The following UGT1A4 variants were observed in gnomAD, a reference collection of about 807,000 sequenced individuals.
UGT1A4 encodes UDP glucuronosyltransferase family 1 member A4.
A neutral mutation model predicts 41.1 loss-of-function variants in UGT1A4; 32 were observed. The observed-to-expected ratio is 0.78, with a 90% CI of 0.59 to 1.05. The LOEUF is 1.05. UGT1A4 is among the 50% of genes least tolerant of loss of function. The probability of loss-of-function intolerance (pLI) is 0.00; values close to 1 mark genes in which losing one functional copy is unlikely to be tolerated. For missense variants in UGT1A4, 748 were observed against 677.4 expected, an observed-to-expected ratio of 1.10 and a Z score of -1.16; for synonymous variants, 283 against 265.1, an observed-to-expected ratio of 1.07 and a Z score of -0.66.
chr2:233,771,791 C>T (rs868802241), intron 4 of UGT1A4, among the ~76,000 whole-genome samples: 2 of 146,520 alleles, frequency 1.4e-5, no homozygotes, highest in Middle Eastern at 6.9e-3. Flanking sequence ...TCTCTCCCTC[C>T]CTCCCTCCCT....
At chr2:233,725,400 G>T (rs1284897270) in intron 1 of UGT1A4, among the ~76,000 whole-genome samples, 3 of 151,354 alleles carry the variant, frequency 2.0e-5, no homozygotes, top group Non-Finnish European at 2.9e-5. Context: ...TACCTTGATG[G>T]TCTAATACAG....
intron 1 of UGT1A4, among the ~76,000 whole-genome samples, chr2:233,744,672 T>G (rs778668144): frequency 6.6e-6 from 1 of 151,884 alleles, no homozygotes; most frequent in Non-Finnish European, 1.5e-5. Context: ...ATATTACACA[T>G]CACCCATGTA....
At chr2:233,757,283 G>A (rs1259796690) in intron 1 of UGT1A4, among the ~76,000 whole-genome samples, 1 of 145,382 alleles carries the variant, frequency 6.9e-6, no homozygotes, top group African/African-American at 2.6e-5. Context: ...TGATTCAGAA[G>A]GGACAGCTGG....
At chr2:233,743,728 A>G in intron 1 of UGT1A4, 1 of 1,367,282 alleles carries the variant, frequency 7.3e-7, no homozygotes, top group Non-Finnish European at 9.8e-7. Context: ...GGTCATAGAT[A>G]TCGCGTTTCT....
At chr2:233,750,935 G>GCC (rs1240414460) in intron 1 of UGT1A4, among the ~76,000 whole-genome samples, 5 of 151,828 alleles carry the variant, frequency 3.3e-5, no homozygotes, top group Non-Finnish European at 7.3e-5. Flanking sequence ...TGAGGTTGGA[G>GCC]CCCCCACACA....
chr2:233,719,438 A>G lies in UGT1A4; in HGVS notation c.618A>G (p.Thr206=). Residue 206 remains threonine, a synonymous_variant, in exon 1 of 5, where the codon ACA becomes ACG. Coordinates refer to ENST00000373409, the MANE Select transcript of UGT1A4 (RefSeq NM_007120.3). ...KLLTTNSDHM[T]FLQRVKNMLY... ...TAACGACCAATTCAGACCACATGAC[A>G]TTCCTGCAAAGGGTCAAGAACATGC... The G allele has an allele frequency of 6.2e-7, 1 of 1,613,920 alleles. No homozygotes were observed. Among genetic ancestry groups the G allele is most frequent in the Non-Finnish European group, 8.5e-7 (1 of 1,179,854 alleles).
intron 1 of UGT1A4, among the ~76,000 whole-genome samples, chr2:233,728,669 T>C (rs1349775872): frequency 3.9e-5 from 6 of 152,276 alleles, no homozygotes; most frequent in Admixed American, 3.9e-4. Context: ...GCGTTACTCA[T>C]ACATGAGAAG....
Position 233,772,777 on chromosome 2 carries a change from T to C in UGT1A4, c.*218T>C. The stretch of plus-strand genomic sequence containing the variant: ...TATGTATCGTGCCCCCTCTGGTGTC[T>C]TTGATCAGGATGACATGTGCCATTT... On this transcript the variant is annotated 3_prime_UTR_variant, in exon 5 of 5. Coordinates refer to ENST00000373409, the MANE Select transcript of UGT1A4 (RefSeq NM_007120.3). 8.4e-6 allele frequency: 11 copies of C among 1,302,124 alleles called. No individual in the cohort carries two copies. The highest frequency in any genetic ancestry group is 1.1e-5 in the Non-Finnish European group (11 of 988,102). 80.7% of individuals were successfully genotyped at this position (1,302,124 alleles called of 1,614,324 possible). A position where few individuals can be genotyped will look rare whatever the true frequency, so the allele number is the denominator to read the frequency against.
rs115410088 is a variant in UGT1A4, at chr2:233,772,335, T to C, written c.1381T>C (p.Phe461Leu). Residue 461 changes from phenylalanine to leucine, a missense_variant, in exon 5 of 5, where the codon TTC becomes CTC. Phe to Leu is a conservative substitution (Grantham distance 22, BLOSUM62 0). Coordinates refer to ENST00000373409, the MANE Select transcript of UGT1A4 (RefSeq NM_007120.3). ...GGTGGAGCCGCTGGACCTGGCCGTG[T>C]TCTGGGTGGAGTTTGTGATGAGGCA... Reference protein sequence around the residue: ...RPVEPLDLAVFWVEFVMRHKG... With the variant: ...RPVEPLDLAVLWVEFVMRHKG... The C allele has an allele frequency of 2.5e-5, 41 of 1,614,238 alleles. No individual in the cohort carries two copies. Among genetic ancestry groups the C allele is most frequent in the Non-Finnish European group, 3.4e-5 (40 of 1,180,030 alleles).
At chr2:233,736,495 T>A (rs1388265552) in intron 1 of UGT1A4, among the ~76,000 whole-genome samples, 4 of 152,228 alleles carry the variant, frequency 2.6e-5, no homozygotes, top group Admixed American at 2.6e-4. Context: ...CTACCAAACT[T>A]CTGAAGCCTA....
At chr2:233,760,848 C>T (rs1237758968) in intron 1 of UGT1A4, 1 of 1,613,934 alleles carries the variant, frequency 6.2e-7, no homozygotes, top group African/African-American at 1.3e-5. Flanking sequence ...CCCAGTGCCC[C>T]AACCCATTCT....
chr2:233,767,452 A>G (rs1559414101), intron 2 of UGT1A4, among the ~76,000 whole-genome samples: 1 of 152,230 alleles, frequency 6.6e-6, no homozygotes, highest in Non-Finnish European at 1.5e-5. Context: ...AATAAAATAA[A>G]TGGGATATTG....
At position 233,719,606 on chromosome 2, in the gene UGT1A4, G is replaced by A. The variant is rs762263930; in HGVS notation, c.786G>A (p.Val262=). The A allele has an allele frequency of 4.3e-6, 7 of 1,614,054 alleles. No individual in the cohort carries two copies. In the East Asian group the frequency reaches 1.3e-4, roughly 31 times the overall value. Residue 262 remains valine (V), a synonymous_variant, in exon 1 of 5, where the codon GTG becomes GTA. Transcript: ENST00000373409. ...ASVWLFRGDF[V]MDYPRPIMPN... ...TGTGGCTGTTCCGAGGGGACTTTGTGATGGACTACCCCAGGCCGATCATGC... is the reference window on the plus strand; with the variant it reads ...TGTGGCTGTTCCGAGGGGACTTTGTAATGGACTACCCCAGGCCGATCATGC...
At chr2:233,765,641 G>C (rs914163891) in intron 1 of UGT1A4, among the ~76,000 whole-genome samples, 18 of 151,492 alleles carry the variant, frequency 1.2e-4, no homozygotes, top group Admixed American at 9.9e-4. Flanking sequence ...TTAGAGGATA[G>C]GTCAATAGGT....
chr2:233,771,498 A>G (rs1006234323), intron 4 of UGT1A4: 3 of 152,314 alleles, frequency 2.0e-5, no homozygotes, highest in Non-Finnish European at 4.4e-5. Flanking sequence ...TAATGTTTCA[A>G]TGACTGAATT....
In UGT1A4 at chr2:233,769,168, C is replaced by T. The variant is rs1699803234; in HGVS notation, c.1307+729C>T. Among the ~76,000 whole-genome samples the T allele has an allele frequency of 6.6e-6, 1 of 152,082 alleles. No individual in the cohort carries two copies. Among genetic ancestry groups the T allele is most frequent in the Non-Finnish European group, 1.5e-5 (1 of 68,026 alleles). The stretch of plus-strand genomic sequence containing the variant: ...ACTGGAACCTGTGAGAAATTTTGTC[C>T]ATGGAGTTTATGAATGAAGGAGCTA... On this transcript the variant is annotated intron_variant, in intron 4 of 4. Coordinates refer to ENST00000373409, the MANE Select transcript of UGT1A4 (RefSeq NM_007120.3). The surrounding 1 kb of genome is among the most constrained non-coding windows in gnomAD (Gnocchi z 4.4).
At chr2:233,765,064 G>A (rs1050662538) in intron 1 of UGT1A4, among the ~76,000 whole-genome samples, 2 of 152,202 alleles carry the variant, frequency 1.3e-5, no homozygotes, top group Admixed American at 1.3e-4. Flanking sequence ...CCTGTCAGAG[G>A]TCTCCTGTGT....
At chr2:233,719,812 C>T (rs2125672172) in intron 1 of UGT1A4, 125 bp downstream of exon 1, 1 of 1,587,558 alleles carries the variant, frequency 6.3e-7, no homozygotes, top group South Asian at 1.1e-5. Flanking sequence ...TTCTTTATAA[C>T]AGATAAACTG....
intron 1 of UGT1A4, among the ~76,000 whole-genome samples, chr2:233,745,381 C>G (rs1382208819): frequency 6.6e-6 from 1 of 151,782 alleles, no homozygotes; most frequent in Admixed American, 6.6e-5. Flanking sequence ...TTCTCTTCAC[C>G]TCCTTATTCT....
Sources: gnomAD v4.1 joint callset for allele counts (sites outside exome capture counted in the v4.1 genomes callset) on GRCh38, gnomAD v4.1.1 for gene constraint, Gnocchi (gnomAD v3.1) non-coding constraint, MANE v1.5 for transcripts, NCBI Gene and HGNC (gene_info 2026-07-23, HGNC 2026-07-21) for gene names.